FARS2: variants seen among roughly 807,000 people sequenced by gnomAD.
FARS2 encodes phenylalanine--tRNA ligase, mitochondrial.
In FARS2, 40 loss-of-function variants were observed where a neutral mutation model predicts 46.4. The observed-to-expected ratio is 0.86, with a 90% CI of 0.67 to 1.12. FARS2 has a LOEUF of 1.12. Ranked by LOEUF, FARS2 falls within the 50% of genes most tolerant of loss-of-function variation. FARS2 has a pLI of 0.00. For synonymous variants in FARS2, 234 were observed against 214.9 expected (o/e 1.09, Z -0.78); for missense variants, 513 against 567.9 (o/e 0.90, Z 0.98).
At chr6:5,412,942 A>G (rs1762020451) in intron 3 of FARS2, among the ~76,000 whole-genome samples, 2 of 152,298 alleles carry the variant, frequency 1.3e-5, no homozygotes, top group South Asian at 4.2e-4. Context: ...AAACGGGCCA[A>G]CACCTTCAAC....
chr6:5,654,677 CT>C (rs1232406171), intron 6 of FARS2, among the ~76,000 whole-genome samples: 1 of 152,140 alleles, frequency 6.6e-6, no homozygotes, highest in African/African-American at 2.4e-5. Context: ...ACCACTGCAC[CT>C]GAGACCCCTC....
chr6:5,361,855 A>G (rs1758324608), intron 1 of FARS2, among the ~76,000 whole-genome samples: 1 of 152,232 alleles, frequency 6.6e-6, no homozygotes, highest in Non-Finnish European at 1.5e-5. Flanking sequence ...TGATCAGTCC[A>G]GTACAGTTTG....
intron 6 of FARS2, among the ~76,000 whole-genome samples, chr6:5,639,977 C>T (rs555319957): frequency 3.9e-5 from 6 of 152,154 alleles, no homozygotes; most frequent in African/African-American, 7.2e-5. Context: ...TGGTGGGTTT[C>T]GGAAAAACGT....
At chr6:5,527,483 A>T (rs1769541599) in intron 4 of FARS2, among the ~76,000 whole-genome samples, 1 of 152,260 alleles carries the variant, frequency 6.6e-6, no homozygotes, top group African/African-American at 2.4e-5. Context: ...AATACAGTTG[A>T]AGTAAATGAA....
chr6:5,392,731 T>TAC (rs1343124303), intron 2 of FARS2, among the ~76,000 whole-genome samples: 5 of 92,566 alleles, frequency 5.4e-5, no homozygotes, highest in Non-Finnish European at 1.0e-4. Flanking sequence ...AAAATATATA[T>TAC]ATATACACAC....
chr6:5,650,826 G>A (rs143517705), intron 6 of FARS2, among the ~76,000 whole-genome samples: 124 of 152,280 alleles, frequency 8.1e-4, no homozygotes, highest in African/African-American at 2.8e-3. Context: ...GAGGCCCCAC[G>A]TTTCCCTGGA....
At chr6:5,551,627 A>G (rs1771378977) in intron 5 of FARS2, among the ~76,000 whole-genome samples, 1 of 152,248 alleles carries the variant, frequency 6.6e-6, no homozygotes, top group Admixed American at 6.5e-5. Context: ...TTAGAAGCTT[A>G]AAACAACATG....
chr6:5,390,288 C>G (rs757671406), intron 2 of FARS2, among the ~76,000 whole-genome samples: 1 of 152,210 alleles, frequency 6.6e-6, no homozygotes, highest in Non-Finnish European at 1.5e-5. Context: ...GCCCCAGACA[C>G]CTCAGGCAGG....
chr6:5,593,345 C>T (rs796294066), intron 5 of FARS2, among the ~76,000 whole-genome samples: 1 of 152,194 alleles, frequency 6.6e-6, no homozygotes, highest in African/African-American at 2.4e-5. Flanking sequence ...GGTGCACGGC[C>T]GTACCCAGTA....
At chr6:5,729,367 C>T (rs988227343) in intron 6 of FARS2, among the ~76,000 whole-genome samples, 1 of 152,128 alleles carries the variant, frequency 6.6e-6, no homozygotes, top group African/African-American at 2.4e-5. Flanking sequence ...ACAGCAGAGG[C>T]GAGGCTCAGA....
Position 5,517,095 on chromosome 6 carries a change from G to A in FARS2, c.905-28085G>A, listed in dbSNP as rs550509687. ...GAAGGAAGAAGAGTGTCTGCGTTTC[G>A]CACAGTTTGGGAGATGGGAAGGGCT... On this transcript the variant is annotated intron_variant, in intron 4 of 6. Transcript: ENST00000274680. Among the ~76,000 whole-genome samples the A allele has an allele frequency of 2.2e-4, 33 of 152,182 alleles. 1 individual carries two copies. In the South Asian group the frequency reaches 3.7e-3, roughly 17 times the overall value.
Position 5,407,043 on chromosome 6 carries a change from T to TTATATATATATATATATATATATATATA in FARS2, c.772+2366_772+2367insTATATATATATATATATATATATATATA, listed in dbSNP as rs201074448. Among the ~76,000 whole-genome samples, 300 of 83,596 alleles carry TTATATATATATATATATATATATATATA rather than the reference T, an allele frequency of 3.6e-3. 12 individuals carry two copies. Among genetic ancestry groups the TTATATATATATATATATATATATATATA allele is most frequent in the Middle Eastern group, 6.8e-3 (1 of 148 alleles). The allele number at this position is 83,596 out of a possible 152,430, so 54.8% of individuals were successfully genotyped here. ...AATGGGTGAACATGAAGGTGGCAAA[T>TTATATATATATATATATATATATATATA]TATATATATATATATATATATATAA... On this transcript the variant is annotated intron_variant, in intron 3 of 6. Transcript: ENST00000274680.
At chr6:5,714,956 T>C (rs1041586778) in intron 6 of FARS2, among the ~76,000 whole-genome samples, 2 of 152,066 alleles carry the variant, frequency 1.3e-5, no homozygotes, top group Non-Finnish European at 1.5e-5. Context: ...ACCCAGGAGG[T>C]AGAGGTTGCA....
chr6:5,446,705 AGAG>A (rs1764206220), intron 4 of FARS2, among the ~76,000 whole-genome samples: 1 of 152,212 alleles, frequency 6.6e-6, no homozygotes, highest in South Asian at 2.1e-4. Context: ...GGCTGAGGGA[AGAG>A]GAGGTTTTTA....
At chr6:5,543,321 C>G (rs1402779377) in intron 4 of FARS2, among the ~76,000 whole-genome samples, 2 of 151,784 alleles carry the variant, frequency 1.3e-5, no homozygotes, top group African/African-American at 4.8e-5. Flanking sequence ...TCTGGTTCAG[C>G]TAGAGCGAAT....
intron 5 of FARS2, among the ~76,000 whole-genome samples, chr6:5,545,707 G>A (rs975221150): frequency 6.6e-6 from 1 of 152,164 alleles, no homozygotes; most frequent in Non-Finnish European, 1.5e-5. Context: ...AGAACATGTG[G>A]TGTCTGGTTT....
chr6:5,720,297 TG>T (rs1257065456), intron 6 of FARS2, among the ~76,000 whole-genome samples: 2 of 152,182 alleles, frequency 1.3e-5, no homozygotes, highest in Non-Finnish European at 2.9e-5. Context: ...CTCTTGCCAT[TG>T]GGTCTTCATC....
intron 2 of FARS2, among the ~76,000 whole-genome samples, chr6:5,372,248 AAT>A (rs1759106811): frequency 6.6e-6 from 1 of 152,182 alleles, no homozygotes; most frequent in Non-Finnish European, 1.5e-5. Flanking sequence ...ACGAAGTTAA[AAT>A]GTGTAAAGAT....
chr6:5,556,148 A>G (rs777952632), intron 5 of FARS2, among the ~76,000 whole-genome samples: 1 of 151,866 alleles, frequency 6.6e-6, no homozygotes, highest in African/African-American at 2.4e-5. Flanking sequence ...AATGCTTGAA[A>G]TCTCCCCTTA....
Sources: allele counts gnomAD v4.1 joint callset (sites outside exome capture counted in the v4.1 genomes callset), GRCh38; gene constraint gnomAD v4.1.1; transcripts MANE v1.5; gene names NCBI Gene and HGNC (gene_info 2026-07-23, HGNC 2026-07-21).